SORCS1: variants seen among roughly 807,000 people sequenced by gnomAD.
The protein encoded by SORCS1 is sortilin related VPS10 domain containing receptor 1.
In SORCS1, 60 loss-of-function variants were observed where a neutral mutation model predicts 146.1. That is an observed-to-expected ratio of 0.41 (90% CI 0.33 to 0.51). The LOEUF (loss-of-function observed/expected upper bound fraction) is 0.51, where lower values mean the gene tolerates loss of function less well. Ranked by LOEUF, SORCS1 falls within the 20% of genes least tolerant of loss-of-function variation. The pLI is 0.21. For missense variants in SORCS1, 1,352 were observed against 1,487.6 expected, an observed-to-expected ratio of 0.91 and a Z score of 1.50; for synonymous variants, 637 against 584.0, an observed-to-expected ratio of 1.09 and a Z score of -1.31.
intron 2 of SORCS1, among the ~76,000 whole-genome samples, chr10:106,918,123 C>T (rs147744172): frequency 0.019 from 2,958 of 152,228 alleles, 36 homozygotes; most frequent in Non-Finnish European, 0.031. Flanking sequence ...ACTGAAGTGC[C>T]TTCTGCCAGA....
chr10:106,926,481 A>G (rs1396437158), intron 2 of SORCS1, among the ~76,000 whole-genome samples: 7 of 152,170 alleles, frequency 4.6e-5, no homozygotes, highest in African/African-American at 2.4e-5. Flanking sequence ...TGCTGTGAGA[A>G]TTAAATGAGA....
chr10:106,669,248 C>T (rs1219806030), intron 16 of SORCS1, among the ~76,000 whole-genome samples: 1 of 151,790 alleles, frequency 6.6e-6, no homozygotes, highest in Admixed American at 6.6e-5. Flanking sequence ...AGAAAAACAA[C>T]AACAACAACA....
intron 24 of SORCS1, among the ~76,000 whole-genome samples, chr10:106,591,251 T>C (rs1445338568): frequency 6.6e-6 from 1 of 152,208 alleles, no homozygotes; most frequent in Non-Finnish European, 1.5e-5. Flanking sequence ...TCTCTCTTTC[T>C]GGGACGTAGA....
intron 1 of SORCS1, among the ~76,000 whole-genome samples, chr10:107,045,330 G>A (rs1732854782): frequency 6.6e-6 from 1 of 152,108 alleles, no homozygotes; most frequent in Non-Finnish European, 1.5e-5. Flanking sequence ...AGTAGTCTGA[G>A]GTCCATACTT....
At chr10:106,879,506 T>C (rs1249899414) in intron 2 of SORCS1, among the ~76,000 whole-genome samples, 1 of 152,206 alleles carries the variant, frequency 6.6e-6, no homozygotes, top group African/African-American at 2.4e-5. Flanking sequence ...CCCTAATGAA[T>C]AGGTTAGATG....
At chr10:106,941,378 G>A (rs972532013) in intron 2 of SORCS1, among the ~76,000 whole-genome samples, 1 of 151,684 alleles carries the variant, frequency 6.6e-6, no homozygotes, top group African/African-American at 2.4e-5. Flanking sequence ...TTTTTCTGAT[G>A]AGGAAATGGA....
intron 1 of SORCS1, among the ~76,000 whole-genome samples, chr10:106,971,371 T>C (rs765774648): frequency 3.4e-4 from 51 of 152,232 alleles, no homozygotes; most frequent in Admixed American, 2.4e-3. Context: ...ACTGAATGAC[T>C]GTGGTTATAT....
intron 5 of SORCS1, among the ~76,000 whole-genome samples, chr10:106,750,589 C>T (rs560561745): frequency 1.3e-4 from 19 of 147,358 alleles, no homozygotes; most frequent in Non-Finnish European, 2.1e-4. Flanking sequence ...ATTAGCCAGG[C>T]TTGGTGGCGG....
intron 7 of SORCS1, among the ~76,000 whole-genome samples, chr10:106,707,148 T>C (rs1184816629): frequency 6.6e-6 from 1 of 151,904 alleles, no homozygotes; most frequent in Non-Finnish European, 1.5e-5. Flanking sequence ...CAGGCTAGGA[T>C]TGGTGTCCAA....
chr10:107,021,688 C>T (rs1236170508), intron 1 of SORCS1, among the ~76,000 whole-genome samples: 1 of 152,010 alleles, frequency 6.6e-6, no homozygotes, highest in Non-Finnish European at 1.5e-5. Flanking sequence ...ATACCTAATT[C>T]TATCATTTCA....
chr10:107,082,011 AAG>A (rs1963367650), intron 1 of SORCS1, among the ~76,000 whole-genome samples: 1 of 152,252 alleles, frequency 6.6e-6, no homozygotes, highest in Non-Finnish European at 1.5e-5. Context: ...ACTTCCTCCA[AAG>A]AGACAGTGGC....
intron 1 of SORCS1, among the ~76,000 whole-genome samples, chr10:107,108,014 G>A (rs1211638318): frequency 6.6e-6 from 1 of 152,150 alleles, no homozygotes; most frequent in Non-Finnish European, 1.5e-5. Context: ...AACGCAGAGG[G>A]AGAAATGCCT....
At chr10:107,096,730 T>G (rs1366302165) in intron 1 of SORCS1, among the ~76,000 whole-genome samples, 2 of 152,134 alleles carry the variant, frequency 1.3e-5, no homozygotes, top group Non-Finnish European at 1.5e-5. Flanking sequence ...CAGGCTGGTC[T>G]CGAACTCCTG....
intron 19 of SORCS1, among the ~76,000 whole-genome samples, chr10:106,624,273 G>A (rs1323748575): frequency 6.6e-6 from 1 of 151,536 alleles, no homozygotes; most frequent in Non-Finnish European, 1.5e-5. Context: ...GAAGAGGGAT[G>A]CCTGCCATGT....
chr10:106,895,089 T>G (rs1029009888), intron 2 of SORCS1, among the ~76,000 whole-genome samples: 2 of 152,196 alleles, frequency 1.3e-5, no homozygotes, highest in African/African-American at 4.8e-5. Context: ...CCCTACTTCA[T>G]CTGTCAGATG....
At chr10:106,995,020 T>A (rs946700936) in intron 1 of SORCS1, among the ~76,000 whole-genome samples, 4 of 152,002 alleles carry the variant, frequency 2.6e-5, no homozygotes, top group Non-Finnish European at 4.4e-5. Context: ...AGTTAAAAAG[T>A]AAGAACAGCC....
chr10:107,041,430 C>T (rs1589997802), intron 1 of SORCS1, among the ~76,000 whole-genome samples: 2 of 150,940 alleles, frequency 1.3e-5, no homozygotes, highest in Non-Finnish European at 3.0e-5. Flanking sequence ...GAAAGAAAAG[C>T]GAGAAAGGAG....
At chr10:106,861,519 T>C (rs1483806942) in intron 2 of SORCS1, among the ~76,000 whole-genome samples, 4 of 152,108 alleles carry the variant, frequency 2.6e-5, no homozygotes, top group African/African-American at 4.8e-5. Context: ...ATGAAAAATG[T>C]ATTCTAGAAG....
At chr10:107,076,452 G>C (rs1962889428) in intron 1 of SORCS1, among the ~76,000 whole-genome samples, 1 of 152,070 alleles carries the variant, frequency 6.6e-6, no homozygotes. Flanking sequence ...TAAACTGTAT[G>C]CACAATACAC....
Sources: allele counts gnomAD v4.1 joint callset (sites outside exome capture counted in the v4.1 genomes callset), GRCh38; gene constraint gnomAD v4.1.1; transcripts MANE v1.5; gene names NCBI Gene and HGNC (gene_info 2026-07-23, HGNC 2026-07-21).